Variants in SNED1 observed in about 807,000 individuals in gnomAD.
SNED1 encodes sushi, nidogen and EGF like domains 1.
Under a neutral mutation model 166.7 loss-of-function variants are expected in SNED1, and 81 were observed. The ratio of observed to expected loss-of-function variants is 0.49; its 90% CI spans 0.41 to 0.58. The LOEUF (loss-of-function observed/expected upper bound fraction) is 0.58, where lower values mean the gene tolerates loss of function less well. Among genes scored for constraint, SNED1 ranks in the 20% least tolerant of loss-of-function variants. The pLI, the probability that SNED1 is intolerant of heterozygous loss-of-function variation, is 0.00. For missense variants in SNED1, 1,604 were observed against 2,000.2 expected, an observed-to-expected ratio of 0.80 and a Z score of 3.78; for synonymous variants, 762 against 822.0, an observed-to-expected ratio of 0.93 and a Z score of 1.25.
intron 14 of SNED1, 54 bp downstream of exon 14, chr2:241,052,211 G>T (rs2061865219): frequency 6.5e-7 from 1 of 1,540,112 alleles, no homozygotes; most frequent in South Asian, 1.1e-5. Context: ...CCTCTCTGCA[G>T]ATGTGAAAAC....
rs756476840 is a variant in SNED1 at position 241,064,071 on chromosome 2, G to A, written c.2545G>A (p.Gly849Arg). The change falls in exon 19 of 32, where the codon GGG becomes AGG. Residue 849 changes from glycine (G) to arginine (R), a missense_variant. Physicochemically the swap from Gly to Arg is moderately radical, Grantham distance 125. This residue lies in a region of SNED1 where 1,237 missense variants were observed against 1,620.8 expected (regional missense o/e 0.76). Transcript: ENST00000310397. This position sits in a 1 kb window ranked among gnomAD's most constrained non-coding sequence, Gnocchi z 7.0. ...QHGGRCESGG[G>R]AYLCVCPESF... ...TGGAGGCCGGTGTGAGAGCGGCGGCGGGGCCTACCTGTGCGTCTGCCCAGA... is the reference window on the plus strand; with the variant it reads ...TGGAGGCCGGTGTGAGAGCGGCGGCAGGGCCTACCTGTGCGTCTGCCCAGA... The A allele has an allele frequency of 2.4e-5, 38 of 1,569,946 alleles. No individual in the cohort carries two copies. The highest frequency in any genetic ancestry group is 3.1e-5 in the Non-Finnish European group (36 of 1,158,924).
intron 16 of SNED1, among the ~76,000 whole-genome samples, chr2:241,056,019 T>C (rs2062030314): frequency 1.3e-5 from 2 of 149,988 alleles, no homozygotes; most frequent in Admixed American, 1.3e-4. Flanking sequence ...ATTTCCACTG[T>C]TCTTATACGC....
chr2:241,024,404 C>A (rs1321615958), intron 1 of SNED1, among the ~76,000 whole-genome samples: 1 of 150,714 alleles, frequency 6.6e-6, no homozygotes, highest in East Asian at 2.0e-4. Context: ...CACCACTACA[C>A]CCAGCTAATT....
At chr2:241,056,579 A>ATTTTTT (rs1559274967) in intron 16 of SNED1, among the ~76,000 whole-genome samples, 139 of 87,690 alleles carry the variant, frequency 1.6e-3, no homozygotes, top group African/African-American at 8.0e-3. Context: ...GAATAAGTGA[A>ATTTTTT]ATTTTTTTTT....
chr2:241,072,946 G>T, intron 26 of SNED1: 1 of 397,212 alleles, frequency 2.5e-6, no homozygotes, highest in Non-Finnish European at 4.5e-6. Context: ...TGCAGAATTT[G>T]ACCCTAAGAA....
At chr2:241,084,795 T>C (rs1189136824) in intron 29 of SNED1, among the ~76,000 whole-genome samples, 1 of 152,178 alleles carries the variant, frequency 6.6e-6, no homozygotes, top group Non-Finnish European at 1.5e-5. Context: ...CTCTAACATC[T>C]CCTATAGCAC....
At chr2:241,034,795 G>A in intron 4 of SNED1, 65 bp downstream of exon 4, 1 of 1,464,312 alleles carries the variant, frequency 6.8e-7, no homozygotes. Context: ...TGGCAGAGGA[G>A]AGGTGGAGAC....
At chr2:241,065,677 T>C in intron 21 of SNED1, 82 bp downstream of exon 21, 2 of 1,217,156 alleles carry the variant, frequency 1.6e-6, no homozygotes. Flanking sequence ...GCAGGGCGGC[T>C]GTCATGCCGT....
In SNED1 at chr2:241,048,320, C is replaced by A. The variant is rs1240140587; in HGVS notation, c.1279C>A (p.His427Asn). The change falls in exon 9 of 32, where the codon CAT (histidine) becomes AAT (asparagine). Residue 427 changes from histidine (H) to asparagine (N), a missense_variant. Physicochemically the swap from His to Asn is moderately conservative, Grantham distance 68. Around this residue, in one of 2 missense-constraint regions of SNED1, gnomAD observed 1,237 missense variants for 1,620.8 expected, o/e 0.76. Transcript: ENST00000310397. ...FKGLRCETGD[H>N]PVPDACLSAP... is the part of the protein sequence containing the mutation. ...GACTGCCGTCTTTCTTGCAGGAGAC[C>A]ATCCAGTGCCAGACGCCTGCCTCTC... 1.2e-6 allele frequency: 2 copies of A among 1,600,908 alleles called. No homozygotes were observed. The highest frequency in any genetic ancestry group is 1.3e-5 in the African/African-American group (1 of 74,420).
In SNED1 at chr2:241,073,474, GCCTA is replaced by G; in HGVS notation, c.3916+114_3916+117del. ...ACGGTGAGGAATCAGGAGGCACAGA[GCCTA>G]CCTGAGGGGAGGCTGAGCACCAGGC... On this transcript the variant is annotated intron_variant, in intron 27 of 31. Coordinates refer to ENST00000310397, the MANE Select transcript of SNED1 (RefSeq NM_001080437.3). The surrounding 1 kb of genome is among the most constrained non-coding windows in gnomAD (Gnocchi z 6.6). 5.6e-6 allele frequency: 5 copies of G among 898,928 alleles called. No individual in the cohort carries two copies. Among genetic ancestry groups the G allele is most frequent in the Middle Eastern group, 4.3e-4 (2 of 4,668 alleles). The allele number at this position is 898,928 out of a possible 1,614,324, so 55.7% of individuals were successfully genotyped here.
Position 241,048,734 on chromosome 2 carries a change from C to G in SNED1, c.1472C>G (p.Pro491Arg), listed in dbSNP as rs1326319558. Reference sequence around the variant, plus strand: ...GCCAACACCACCCTCTGCCAGTGCCCCCTGGGATTCTTTGGGCTTCTCTGT... The same window carrying G: ...GCCAACACCACCCTCTGCCAGTGCCGCCTGGGATTCTTTGGGCTTCTCTGT... ...LGANTTLCQC[P>R]LGFFGLLCEF... Residue 491 changes from proline (P) to arginine (R), a missense_variant, in exon 10 of 32, where the codon CCC becomes CGC. Physicochemically the swap from Pro to Arg is moderately radical, Grantham distance 103 (BLOSUM62 -2). This residue lies in a region of SNED1 where 1,237 missense variants were observed against 1,620.8 expected (regional missense o/e 0.76). Transcript: ENST00000310397. 2 of 1,612,520 alleles carry G rather than the reference C, an allele frequency of 1.2e-6. No individual in the cohort carries two copies. The highest frequency in any genetic ancestry group is 2.2e-5 in the South Asian group (2 of 90,482).
rs2061836285 is a variant in SNED1, at chr2:241,051,408, G to A, written c.1736-336G>A. On this transcript the variant is annotated intron_variant, in intron 12 of 31. Transcript: ENST00000310397. This position sits in a 1 kb window ranked among gnomAD's most constrained non-coding sequence, Gnocchi z 4.7. ...AGCTGCTTCCTGTCAGATGGGGAAT[G>A]CCCGTGTGCAGGAGGGAGGGAGTGC... The A allele has an allele frequency of 7.9e-6, 2 of 254,028 alleles. No homozygotes were observed. The highest frequency in any genetic ancestry group is 1.1e-4 in the Admixed American group (2 of 18,614). The allele number at this position is 254,028 out of a possible 1,614,324, so 15.7% of individuals were successfully genotyped here.
chr2:241,089,974 G>A, intron 31 of SNED1: 2 of 1,546,872 alleles, frequency 1.3e-6, no homozygotes, highest in African/African-American at 1.4e-5. Context: ...ATAAAAAATG[G>A]TATACCTGGG....
chr2:241,089,615 T>C (rs989927942), intron 31 of SNED1, among the ~76,000 whole-genome samples: 2 of 152,244 alleles, frequency 1.3e-5, no homozygotes. Flanking sequence ...ATTCACTTCC[T>C]GTTGACTCGA....
intron 16 of SNED1, among the ~76,000 whole-genome samples, chr2:241,055,159 G>A (rs2062006507): frequency 6.6e-6 from 1 of 151,988 alleles, no homozygotes; most frequent in African/African-American, 2.4e-5. Flanking sequence ...GAGGGTAGAA[G>A]GTGTGCTAAA....
In SNED1 at chr2:241,065,497, C is replaced by A. The variant is rs373616563; in HGVS notation, c.2912C>A (p.Ala971Glu). 6 of 1,612,728 alleles carry A rather than the reference C, an allele frequency of 3.7e-6. No homozygotes were observed. The highest frequency in any genetic ancestry group is 5.1e-6 in the Non-Finnish European group (6 of 1,179,780). ...TCCTCGCACCAGCTCCAGGCCCTGG[C>A]GGCCGGCAGGGCCTACAACATCTCC... ...TRSSHQLQAL[A>E]AGRAYNISVF... The change falls in exon 21 of 32, where the codon GCG becomes GAG. Residue 971 changes from alanine to glutamate, a missense_variant. Coordinates refer to ENST00000310397, the MANE Select transcript of SNED1 (RefSeq NM_001080437.3).
intron 1 of SNED1, among the ~76,000 whole-genome samples, chr2:241,024,548 C>G (rs2060888697): frequency 6.6e-6 from 1 of 151,402 alleles, no homozygotes; most frequent in East Asian, 1.9e-4. Context: ...ACCCAGCCAC[C>G]CTACTACCTT....
At chr2:241,063,815 C>T (rs2062322497) in intron 18 of SNED1, 115 bp downstream of exon 18, 1 of 880,698 alleles carries the variant, frequency 1.1e-6, no homozygotes, top group Non-Finnish European at 1.7e-6. Context: ...GAGAGGGACC[C>T]CCAGGGCTGC....
In SNED1 at chr2:241,087,669, A is replaced by G. The variant is rs1008051273; in HGVS notation, c.4205+194A>G. The G allele has an allele frequency of 4.3e-6, 6 of 1,379,544 alleles. No individual in the cohort carries two copies. In the African/African-American group the frequency reaches 8.8e-5, roughly 20 times the overall value. 85.5% of individuals were successfully genotyped at this position (1,379,544 alleles called of 1,614,324 possible). On this transcript the variant is annotated intron_variant, in intron 30 of 31. Transcript: ENST00000310397. ...CATATATGTGCATGTGAGCATACCCAGAGGGGCACAGCCGGGCATGCTGGG... is the reference window on the plus strand; with the variant it reads ...CATATATGTGCATGTGAGCATACCCGGAGGGGCACAGCCGGGCATGCTGGG...
Sources: gnomAD v4.1 joint callset for allele counts (sites outside exome capture counted in the v4.1 genomes callset) on GRCh38, gnomAD v4.1.1 for gene constraint, gnomAD v4.1.1 regional missense constraint, Gnocchi (gnomAD v3.1) non-coding constraint, MANE v1.5 for transcripts, NCBI Gene and HGNC (gene_info 2026-07-23, HGNC 2026-07-21) for gene names.